The following SNAP29 variants were observed in gnomAD, a reference collection of about 807,000 sequenced individuals.
SNAP29 encodes the protein synaptosome associated protein 29, also known as synaptosomal-associated protein 29.
In SNAP29, 13 loss-of-function variants were observed where a neutral mutation model predicts 27.9. That is an observed-to-expected ratio of 0.47 (90% CI 0.30 to 0.74). The LOEUF (loss-of-function observed/expected upper bound fraction) is 0.74, where lower values mean the gene tolerates loss of function less well. Ranked by LOEUF, SNAP29 falls within the 30% of genes least tolerant of loss-of-function variation. The pLI is 0.06. For missense variants in SNAP29, 368 were observed against 336.5 expected (o/e 1.09, Z -0.73); for synonymous variants, 119 against 127.1 (o/e 0.94, Z 0.43).
chr22:20,872,376 G>A (rs112893881), intron 2 of SNAP29, among the ~76,000 whole-genome samples: 1 of 151,438 alleles, frequency 6.6e-6, no homozygotes, highest in Non-Finnish European at 1.5e-5. Flanking sequence ...AAGTAGCTGG[G>A]ATCACAGGTG....
Position 20,872,010 on chromosome 22 carries a change from A to G in SNAP29, c.434+1477A>G, listed in dbSNP as rs536770976. Among the ~76,000 whole-genome samples, 4 of 152,202 alleles carry G rather than the reference A, an allele frequency of 2.6e-5. No homozygotes were observed. The South Asian group carries it at 8.3e-4, about 32-fold the overall frequency. On this transcript the variant is annotated intron_variant, in intron 2 of 4. Transcript: ENST00000215730. ...AGATCACTGTGTCTGTTTTTATTACAAAAACAACATGGCCACATTACAGAC... is the reference window on the plus strand; with the variant it reads ...AGATCACTGTGTCTGTTTTTATTACGAAAACAACATGGCCACATTACAGAC...
chr22:20,873,057 T>G (rs1263829471), intron 2 of SNAP29, among the ~76,000 whole-genome samples: 4 of 151,362 alleles, frequency 2.6e-5, no homozygotes, highest in South Asian at 4.2e-4. Flanking sequence ...CTCGAACTCT[T>G]GATCTCAGAT....
chr22:20,865,284 G>A lies in SNAP29; in HGVS notation c.238-5053G>A, dbSNP rs148962468. ...GTAGGAGGATCTCTTGAACCAGGGA[G>A]GTCAAGGCTGCAGTGAGCTGAGGTC... On this transcript the variant is annotated intron_variant, in intron 1 of 4. Transcript: ENST00000215730. Among the ~76,000 whole-genome samples the A allele has an allele frequency of 2.4e-3, 363 of 152,252 alleles. 3 individuals are homozygous for A. The highest frequency in any genetic ancestry group is 8.5e-3 in the African/African-American group (351 of 41,538).
rs369553158 is a variant in SNAP29 at position 20,859,172 on chromosome 22, G to A, written c.62G>A (p.Arg21Gln). The A allele has an allele frequency of 1.9e-6, 3 of 1,605,206 alleles. No individual in the cohort carries two copies. Among genetic ancestry groups the A allele is most frequent in the East Asian group, 2.2e-5 (1 of 44,624 alleles). Residue 21 changes from arginine (R) to glutamine (Q), a missense_variant, in exon 1 of 5, where the codon CGG (arginine) becomes CAG (glutamine). Transcript: ENST00000215730. ...FDDDGEDEGA[R>Q]PAPWRDARDL... ...GACGACGGGGAGGACGAAGGCGCCC[G>A]GCCGGCCCCTTGGAGGGACGCCCGA... is the stretch of plus-strand genomic sequence containing the variant.
intron 1 of SNAP29, among the ~76,000 whole-genome samples, chr22:20,860,755 A>T (rs1928290014): frequency 6.6e-6 from 1 of 152,160 alleles, no homozygotes; most frequent in Non-Finnish European, 1.5e-5. Flanking sequence ...AAAAAGGTTT[A>T]AAAAAATGTA....
intron 1 of SNAP29, among the ~76,000 whole-genome samples, chr22:20,860,479 C>T (rs550819741): frequency 1.3e-5 from 2 of 150,908 alleles, no homozygotes; most frequent in Non-Finnish European, 1.5e-5. Context: ...AGACGATTCT[C>T]CTGCCTCAGC....
intron 1 of SNAP29, 141 bp downstream of exon 1, chr22:20,859,488 A>G (rs1189255436): frequency 4.2e-6 from 3 of 709,910 alleles, no homozygotes; most frequent in Non-Finnish European, 7.7e-6. Context: ...CGATGGTGGT[A>G]ACAATCTGTT....
intron 1 of SNAP29, among the ~76,000 whole-genome samples, chr22:20,861,117 G>GTTTT (rs1491578419): frequency 9.5e-6 from 1 of 105,028 alleles, no homozygotes; most frequent in Non-Finnish European, 1.9e-5. Flanking sequence ...ACCTCCCTGT[G>GTTTT]GTTTTTTTTT....
chr22:20,878,804 C>T (rs1319075930), intron 2 of SNAP29, among the ~76,000 whole-genome samples: 2 of 152,092 alleles, frequency 1.3e-5, no homozygotes, highest in African/African-American at 4.8e-5. Context: ...CAGCTGGAGG[C>T]ACCTGCCATA....
In SNAP29 at chr22:20,890,001, G is replaced by A. The variant is rs536474432; in HGVS notation, c.*2165G>A. On this transcript the variant is annotated 3_prime_UTR_variant, in exon 5 of 5. Transcript: ENST00000215730. ...GAAGGGGAGTTGCCTTCACTTTTCT[G>A]GAAATTTGTCTTCGTCTGACATATT... The A allele has an allele frequency of 2.9e-5, 10 of 342,264 alleles. No individual in the cohort carries two copies. In the East Asian group the frequency reaches 3.9e-4, roughly 13 times the overall value. The allele number at this position is 342,264 out of a possible 1,614,324, so 21.2% of individuals were successfully genotyped here.
rs1929101797 is a variant in SNAP29, at chr22:20,889,558, T to C, written c.*1722T>C. 6.6e-6 allele frequency: 1 copy of C among 152,200 alleles called. No individual in the cohort carries two copies. Among genetic ancestry groups the C allele is most frequent in the African/African-American group, 2.4e-5 (1 of 41,456 alleles). 9.4% of individuals were successfully genotyped at this position (152,200 alleles called of 1,614,324 possible). On this transcript the variant is annotated 3_prime_UTR_variant, in exon 5 of 5. Coordinates refer to ENST00000215730, the MANE Select transcript of SNAP29 (RefSeq NM_004782.4). The stretch of plus-strand genomic sequence containing the variant: ...ACTGGTAGAAGGGAAATTTTAAACA[T>C]AACACTCAACCCAAACAAAACTACT...
At chr22:20,870,848 TC>T in intron 2 of SNAP29, 1 of 402,038 alleles carries the variant, frequency 2.5e-6, no homozygotes, top group Non-Finnish European at 4.7e-6. Flanking sequence ...CTTTAAAAAA[TC>T]TTTAGGGCTG....
intron 4 of SNAP29, among the ~76,000 whole-genome samples, chr22:20,885,933 G>A (rs2147873590): frequency 6.6e-6 from 1 of 152,206 alleles, no homozygotes; most frequent in South Asian, 2.1e-4. Context: ...CAGCGCCCTG[G>A]CCTGGTGGTT....
chr22:20,859,028 TCGGCGGGCGGGGCGAGGCCCTGGA>T lies in SNAP29; in HGVS notation c.-76_-53del. On this transcript the variant is annotated 5_prime_UTR_variant, in exon 1 of 5. Transcript: ENST00000215730. ...AGGAGTTCGCGCGACGACCGCGGGG[TCGGCGGGCGGGGCGAGGCCCTGGA>T]CGGCGGCGGCAGTGGGGCTCCTCCT... 1 of 1,388,952 alleles carries T rather than the reference TCGGCGGGCGGGGCGAGGCCCTGGA, an allele frequency of 7.2e-7. No individual in the cohort carries two copies. Among genetic ancestry groups the T allele is most frequent in the African/African-American group, 1.5e-5 (1 of 68,500 alleles). The allele number at this position is 1,388,952 out of a possible 1,614,324, so 86.0% of individuals were successfully genotyped here. A position where few individuals can be genotyped will look rare whatever the true frequency, so the allele number is the denominator to read the frequency against.
Position 20,888,335 on chromosome 22 carries a change from ACACACACACACACACACACACT to A in SNAP29, c.*501_*522del, listed in dbSNP as rs1277263763. 48 of 186,830 alleles carry A rather than the reference ACACACACACACACACACACACT, an allele frequency of 2.6e-4. No individual in the cohort carries two copies. The highest frequency in any genetic ancestry group is 8.9e-4 in the African/African-American group (28 of 31,620). The allele number at this position is 186,830 out of a possible 1,614,324, so 11.6% of individuals were successfully genotyped here. On this transcript the variant is annotated 3_prime_UTR_variant, in exon 5 of 5. Transcript: ENST00000215730. ...TTCACACACACACACACACACACACACACACACACACACACACACACTCTCTGAGCACATTATCTGTGATTCT... is the reference window on the plus strand; with the variant it reads ...TTCACACACACACACACACACACACACTCTGAGCACATTATCTGTGATTCT...
Position 20,888,312 on chromosome 22 carries a change from C to A in SNAP29, c.*476C>A, listed in dbSNP as rs1929069463. 3.1e-5 allele frequency: 1 copy of A among 32,332 alleles called. No individual in the cohort carries two copies. The highest frequency in any genetic ancestry group is 7.9e-5 in the Non-Finnish European group (1 of 12,640). 2.0% of individuals were successfully genotyped at this position (32,332 alleles called of 1,614,324 possible). A position where few individuals can be genotyped will look rare whatever the true frequency, so the allele number is the denominator to read the frequency against. On this transcript the variant is annotated 3_prime_UTR_variant, in exon 5 of 5. Coordinates refer to ENST00000215730, the MANE Select transcript of SNAP29 (RefSeq NM_004782.4). Reference sequence around the variant, plus strand: ...ACACCTTTGTTTAGGAGTCATCATTCACACACACACACACACACACACACA... The same window carrying A: ...ACACCTTTGTTTAGGAGTCATCATTAACACACACACACACACACACACACA...
intron 1 of SNAP29, among the ~76,000 whole-genome samples, chr22:20,859,823 C>T (rs1928200877): frequency 6.6e-6 from 1 of 152,074 alleles, no homozygotes; most frequent in African/African-American, 2.4e-5. Flanking sequence ...GGCAGGTGGT[C>T]CACGAGTTCT....
chr22:20,885,897 G>A (rs1422342704), intron 4 of SNAP29, among the ~76,000 whole-genome samples: 2 of 152,172 alleles, frequency 1.3e-5, no homozygotes, highest in African/African-American at 4.8e-5. Flanking sequence ...TGCTATTTCA[G>A]GATCTCAGGC....
At chr22:20,883,375 C>A in intron 3 of SNAP29, 96 bp from the exon 4 acceptor site, 1 of 842,152 alleles carries the variant, frequency 1.2e-6, no homozygotes, top group Non-Finnish European at 2.0e-6. Context: ...TTCGTTCCTT[C>A]CACCCATTTT....
Sources: allele counts gnomAD v4.1 joint callset (sites outside exome capture counted in the v4.1 genomes callset), GRCh38; gene constraint gnomAD v4.1.1; transcripts MANE v1.5; gene names NCBI Gene and HGNC (gene_info 2026-07-23, HGNC 2026-07-21).